The following C7orf33 variants were observed in gnomAD, a reference collection of about 807,000 sequenced individuals.
The protein encoded by C7orf33 is uncharacterized protein C7orf33.
Under a neutral mutation model 13.4 loss-of-function variants are expected in C7orf33, and 15 were observed. The ratio of observed to expected loss-of-function variants is 1.12; its 90% CI spans 0.75 to 1.72. C7orf33 has a LOEUF of 1.72. Among genes scored for constraint, C7orf33 ranks in the 40% most tolerant of loss-of-function variants. The pLI is 0.00. For synonymous variants in C7orf33, 73 were observed against 83.2 expected (o/e 0.88, Z 0.67); for missense variants, 187 against 220.3 (o/e 0.85, Z 0.96).
rs1024840955 is a variant in C7orf33 at position 148,591,227 on chromosome 7, A to T, written c.204+98A>T. On this transcript the variant is annotated intron_variant, in intron 1 of 2. Coordinates refer to ENST00000307003, the MANE Select transcript of C7orf33 (RefSeq NM_145304.4). ...AATCCATGAATGTTTTTGACTCTCT[A>T]CTATGTGTTATGGAACTGGGCTTAA... The T allele has an allele frequency of 3.8e-6, 4 of 1,040,806 alleles. No homozygotes were observed. The East Asian group carries it at 9.5e-5, about 25-fold the overall frequency. The allele number at this position is 1,040,806 out of a possible 1,614,324, so 64.5% of individuals were successfully genotyped here. A position where few individuals can be genotyped will look rare whatever the true frequency, so the allele number is the denominator to read the frequency against.
chr7:148,592,375 A>G (rs1419503042), intron 1 of C7orf33, among the ~76,000 whole-genome samples: 1 of 152,214 alleles, frequency 6.6e-6, no homozygotes, highest in East Asian at 1.9e-4. Flanking sequence ...AACCAATACA[A>G]TTAGTCTCTG....
At chr7:148,597,946 G>A (rs1796360507) in intron 1 of C7orf33, among the ~76,000 whole-genome samples, 4 of 152,044 alleles carry the variant, frequency 2.6e-5, no homozygotes, top group Admixed American at 2.6e-4. Context: ...TAGTAGAGAT[G>A]GGGTTTCACT....
chr7:148,598,941 C>A (rs1202570977), intron 1 of C7orf33, among the ~76,000 whole-genome samples: 2 of 151,834 alleles, frequency 1.3e-5, no homozygotes, highest in Non-Finnish European at 1.5e-5. Context: ...TGGCTCACTG[C>A]AACCTCCGCC....
At chr7:148,599,187 G>A (rs879849358) in intron 1 of C7orf33, among the ~76,000 whole-genome samples, 12 of 152,054 alleles carry the variant, frequency 7.9e-5, no homozygotes, top group Non-Finnish European at 1.5e-4. Flanking sequence ...TGAGCCAGAT[G>A]CAGAATGGTC....
chr7:148,607,800 C>T (rs1414795364), intron 1 of C7orf33, among the ~76,000 whole-genome samples: 3 of 152,148 alleles, frequency 2.0e-5, no homozygotes, highest in African/African-American at 7.2e-5. Context: ...TTTCTTTAAT[C>T]GTACCCAGGC....
At position 148,614,236 on chromosome 7, in the gene C7orf33, C is replaced by A. The variant is rs1178851749; in HGVS notation, c.399C>A (p.Tyr133Ter). Residue 133 changes from tyrosine (Y) to a stop codon, truncating the protein, a stop_gained, in exon 2 of 3, where the codon TAC (tyrosine) becomes TAA (stop). Coordinates refer to ENST00000307003, the MANE Select transcript of C7orf33 (RefSeq NM_145304.4). LOFTEE classifies it high-confidence loss of function. ...TTGTCGGCACCTTGTCTTCCAGTTA[C>A]CTAGATCTGCTAACTCTCTCTTACA... ...DPVVGTLSSS[Y>*]LDLLTLSYKP... 1.2e-6 allele frequency: 2 copies of A among 1,614,038 alleles called. No homozygotes were observed. The highest frequency in any genetic ancestry group is 3.3e-5 in the Admixed American group (2 of 60,004).
intron 1 of C7orf33, among the ~76,000 whole-genome samples, chr7:148,601,898 C>T (rs1226172101): frequency 2.0e-5 from 3 of 151,978 alleles, no homozygotes; most frequent in Admixed American, 6.6e-5. Flanking sequence ...CAGGCACATG[C>T]TCCCATGCCC....
chr7:148,598,667 T>TAC (rs570081901), intron 1 of C7orf33, among the ~76,000 whole-genome samples: 22 of 137,302 alleles, frequency 1.6e-4, no homozygotes, highest in South Asian at 7.0e-4. Flanking sequence ...TATATATATA[T>TAC]ACACACACAC....
chr7:148,613,447 T>C (rs1302076704), intron 1 of C7orf33, among the ~76,000 whole-genome samples: 3 of 152,234 alleles, frequency 2.0e-5, no homozygotes, highest in Non-Finnish European at 4.4e-5. Flanking sequence ...GATAAATAAT[T>C]CGTGGTCTAC....
chr7:148,597,904 T>C lies in C7orf33; in HGVS notation c.204+6775T>C, dbSNP rs368749363. Among the ~76,000 whole-genome samples, 532 of 152,208 alleles carry C rather than the reference T, an allele frequency of 3.5e-3. 3 individuals carry two copies. Among genetic ancestry groups the C allele is most frequent in the Admixed American group, 4.0e-3 (61 of 15,290 alleles). ...CCGAGTAGCTGGGACTACAGGTGCC[T>C]GCCACCATGCCCGGCTAATTTTTTG... On this transcript the variant is annotated intron_variant, in intron 1 of 2. Coordinates refer to ENST00000307003, the MANE Select transcript of C7orf33 (RefSeq NM_145304.4).
intron 1 of C7orf33, among the ~76,000 whole-genome samples, chr7:148,601,205 G>A (rs575243048): frequency 1.3e-5 from 2 of 151,980 alleles, no homozygotes; most frequent in East Asian, 1.9e-4. Context: ...CTGTTTTGGC[G>A]GCTTCCCACC....
intron 1 of C7orf33, among the ~76,000 whole-genome samples, chr7:148,597,979 T>G: frequency 6.6e-6 from 1 of 152,116 alleles, no homozygotes; most frequent in Non-Finnish European, 1.5e-5. Flanking sequence ...ATGATCTCGA[T>G]CTCCTGACCT....
At chr7:148,604,134 T>TC (rs1367153482) in intron 1 of C7orf33, among the ~76,000 whole-genome samples, 1 of 151,622 alleles carries the variant, frequency 6.6e-6, no homozygotes, top group Non-Finnish European at 1.5e-5. Flanking sequence ...TTTTTTTTTT[T>TC]TCCTTTTTTC....
chr7:148,610,755 G>C (rs1307996020), intron 1 of C7orf33, among the ~76,000 whole-genome samples: 1 of 152,100 alleles, frequency 6.6e-6, no homozygotes, highest in Non-Finnish European at 1.5e-5. Flanking sequence ...GCATTCCTGG[G>C]TAAAGGGACA....
At chr7:148,613,808 T>C (rs1796572944) in intron 1 of C7orf33, among the ~76,000 whole-genome samples, 1 of 152,234 alleles carries the variant, frequency 6.6e-6, no homozygotes, top group Admixed American at 6.5e-5. Context: ...TACCTGTGAA[T>C]GATAAAGCTA....
At chr7:148,612,535 C>A (rs901729042) in intron 1 of C7orf33, among the ~76,000 whole-genome samples, 1 of 151,522 alleles carries the variant, frequency 6.6e-6, no homozygotes, top group Non-Finnish European at 1.5e-5. Flanking sequence ...ATATAGAATT[C>A]TTACAACTCA....
chr7:148,612,092 A>G (rs1796550349), intron 1 of C7orf33, among the ~76,000 whole-genome samples: 1 of 152,230 alleles, frequency 6.6e-6, no homozygotes, highest in African/African-American at 2.4e-5. Context: ...GCCTCTATAG[A>G]AAAGGCGCTT....
chr7:148,602,046 G>A (rs186501368), intron 1 of C7orf33, among the ~76,000 whole-genome samples: 1 of 152,206 alleles, frequency 6.6e-6, no homozygotes, highest in African/African-American at 2.4e-5. Context: ...ACAGCACCCG[G>A]CCCAAACTGA....
At chr7:148,609,343 A>G (rs1251026353) in intron 1 of C7orf33, among the ~76,000 whole-genome samples, 1 of 152,242 alleles carries the variant, frequency 6.6e-6, no homozygotes, top group East Asian at 1.9e-4. Context: ...TTATATCAGC[A>G]GAGTTGAAGA....
Sources: gnomAD v4.1 joint callset for allele counts (sites outside exome capture counted in the v4.1 genomes callset) on GRCh38, gnomAD v4.1.1 for gene constraint, MANE v1.5 for transcripts, NCBI Gene and HGNC (gene_info 2026-07-23, HGNC 2026-07-21) for gene names.